The following TUBGCP5 variants were observed in gnomAD, a reference collection of about 807,000 sequenced individuals.
TUBGCP5 encodes tubulin gamma complex component 5, also known as gamma-tubulin complex component 5.
TUBGCP5 carries 98 observed loss-of-function variants against 134.7 expected under a neutral mutation model. That is an observed-to-expected ratio of 0.73 (90% CI 0.62 to 0.86). The LOEUF (loss-of-function observed/expected upper bound fraction) is 0.86. Ranked by LOEUF, TUBGCP5 falls within the 40% of genes least tolerant of loss-of-function variation. The pLI, the probability that TUBGCP5 is intolerant of heterozygous loss-of-function variation, is 0.00. For missense variants in TUBGCP5, 1,150 were observed against 1,244.8 expected (o/e 0.92, Z 1.15); for synonymous variants, 456 against 431.4 (o/e 1.06, Z -0.71).
intron 23 of TUBGCP5, among the ~76,000 whole-genome samples, chr15:22,989,000 A>T (rs1465582175): frequency 2.0e-5 from 3 of 151,988 alleles, no homozygotes; most frequent in Non-Finnish European, 2.9e-5. Flanking sequence ...CTGTCCTCAA[A>T]GCCCTCAGCT....
At position 22,999,835 on chromosome 15, in the gene TUBGCP5, G is replaced by A; in HGVS notation, c.3060C>T (p.Gly1020=). The A allele has an allele frequency of 6.2e-7, 1 of 1,613,870 alleles. No individual in the cohort carries two copies. Residue 1020 remains glycine (G), a synonymous_variant, in exon 23 of 23, where the codon GGC becomes GGT. Coordinates refer to ENST00000615383, the MANE Select transcript of TUBGCP5 (RefSeq NM_052903.6). Reference sequence around the variant, plus strand: ...CTGAAGACATTTAACTTTGTTCCATGCCAGCCATGAGTGACAACGCTAGAG... The same window carrying A: ...CTGAAGACATTTAACTTTGTTCCATACCAGCCATGAGTGACAACGCTAGAG... ...LESLALSLMA[G]MEQS
intron 23 of TUBGCP5, among the ~76,000 whole-genome samples, chr15:22,988,572 A>G (rs947824634): frequency 6.7e-6 from 1 of 149,872 alleles, no homozygotes; most frequent in Non-Finnish European, 1.5e-5. Context: ...TCTCTACTAG[A>G]AAATACAAAA....
chr15:23,005,394 A>G, intron 19 of TUBGCP5, 38 bp downstream of exon 19: 1 of 1,605,178 alleles, frequency 6.2e-7, no homozygotes, highest in Non-Finnish European at 8.5e-7. Flanking sequence ...CTGTATAGAT[A>G]CGACGATAGA....
chr15:23,020,620 A>G (rs543655670), intron 11 of TUBGCP5, among the ~76,000 whole-genome samples: 9 of 151,490 alleles, frequency 5.9e-5, no homozygotes, highest in Admixed American at 5.9e-4. Context: ...AAAAAGAAAT[A>G]TGGTATTAAA....
At chr15:22,993,275 T>A (rs927276297) in intron 23 of TUBGCP5, among the ~76,000 whole-genome samples, 30 of 151,982 alleles carry the variant, frequency 2.0e-4, no homozygotes, top group African/African-American at 6.8e-4. Flanking sequence ...AACTTTTGTA[T>A]TTTTAGTAGA....
chr15:23,031,288 A>AC lies in TUBGCP5; in HGVS notation c.487-269_487-268insG, dbSNP rs2066294926. ...AAAAGTCCCAAGATCACAGGTCCTT[A>AC]AGGGATACTTGTACTCACCCCTTTT... On this transcript the variant is annotated intron_variant, in intron 5 of 22. Coordinates refer to ENST00000615383, the MANE Select transcript of TUBGCP5 (RefSeq NM_052903.6). 1.3e-5 allele frequency among the ~76,000 whole-genome samples: 2 copies of AC among 152,112 alleles called. 1 individual carries two copies. The highest frequency in any genetic ancestry group is 2.9e-5 in the Non-Finnish European group (2 of 68,020).
intron 23 of TUBGCP5, among the ~76,000 whole-genome samples, chr15:22,987,199 T>G (rs1292367209): frequency 6.6e-6 from 1 of 151,966 alleles, no homozygotes; most frequent in Non-Finnish European, 1.5e-5. Flanking sequence ...CCGGGCGTGG[T>G]GGAACATGCC....
chr15:22,988,586 A>T (rs1247914465), intron 23 of TUBGCP5, among the ~76,000 whole-genome samples: 1 of 151,376 alleles, frequency 6.6e-6, no homozygotes, highest in Non-Finnish European at 1.5e-5. Flanking sequence ...TACAAAAAAA[A>T]TTAGCCGGGC....
rs199797412 is a variant in TUBGCP5, at chr15:22,999,776, A to C, written c.*44T>G. 21 of 1,589,656 alleles carry C rather than the reference A, an allele frequency of 1.3e-5. No individual in the cohort carries two copies. Among genetic ancestry groups the C allele is most frequent in the Non-Finnish European group, 1.7e-5 (20 of 1,158,060 alleles). ...TCAGCTGCACATGGTGGAAATGTAC[A>C]TGTATGATGACAAAGTCGGAGATAT... On this transcript the variant is annotated 3_prime_UTR_variant, in exon 23 of 23. Coordinates refer to ENST00000615383, the MANE Select transcript of TUBGCP5 (RefSeq NM_052903.6).
intron 13 of TUBGCP5, among the ~76,000 whole-genome samples, chr15:23,012,993 T>G (rs1325345393): frequency 6.6e-6 from 1 of 151,936 alleles, no homozygotes. Context: ...TCCCAGCTAC[T>G]TGGGAAGCTG....
In TUBGCP5 at chr15:23,033,289, T is replaced by TC. The variant is rs539214203; in HGVS notation, c.310-466dup. 2.1e-3 allele frequency among the ~76,000 whole-genome samples: 312 copies of TC among 151,726 alleles called. 1 individual carries two copies. Among genetic ancestry groups the TC allele is most frequent in the African/African-American group, 5.0e-3 (205 of 41,210 alleles). ...AACTTATGTTGTTTCATATTTTTTT[T>TC]CCCCCCGAGATGGATTTTCGCTCTG... On this transcript the variant is annotated intron_variant, in intron 3 of 22. Transcript: ENST00000615383.
chr15:23,029,695 C>A lies in TUBGCP5; in HGVS notation c.622+1190G>T, dbSNP rs958632836. ...GGTCAGGAATTTGAGACCAGCCTGG[C>A]CAACATGGTGAAACCCTGTCTCTAC... On this transcript the variant is annotated intron_variant, in intron 6 of 22. Transcript: ENST00000615383. Among the ~76,000 whole-genome samples, 3 of 151,940 alleles carry A rather than the reference C, an allele frequency of 2.0e-5. No homozygotes were observed. In the East Asian group the frequency reaches 5.8e-4, roughly 30 times the overall value.
chr15:23,026,333 G>C lies in TUBGCP5; in HGVS notation c.738-128C>G, dbSNP rs536783975. ...AACTAACAAGTATACATAATAAATG[G>C]CTTAAATGCCCCCTATATTTTCATG... On this transcript the variant is annotated intron_variant, in intron 7 of 22. Transcript: ENST00000615383. 50 of 712,832 alleles carry C rather than the reference G, an allele frequency of 7.0e-5. 1 individual carries two copies. The East Asian group carries it at 1.1e-3, about 16-fold the overall frequency. 44.2% of individuals were successfully genotyped at this position (712,832 alleles called of 1,614,324 possible). A position where few individuals can be genotyped will look rare whatever the true frequency, so the allele number is the denominator to read the frequency against.
chr15:23,024,839 A>G lies in TUBGCP5; in HGVS notation c.828-9T>C. The stretch of plus-strand genomic sequence containing the variant: ...TCACTCCTGAAAGTAACCTGAAATG[A>G]GATTAAAAAAAGACGAGTGTACTTT... On this transcript the variant is annotated splice_polypyrimidine_tract_variant and intron_variant, in intron 8 of 22. Transcript: ENST00000615383. 1 of 1,487,996 alleles carries G rather than the reference A, an allele frequency of 6.7e-7. No individual in the cohort carries two copies. 92.2% of individuals were successfully genotyped at this position (1,487,996 alleles called of 1,614,324 possible).
Position 23,003,138 on chromosome 15 carries a change from C to T in TUBGCP5, c.2854G>A (p.Glu952Lys). 1 of 1,614,186 alleles carries T rather than the reference C, an allele frequency of 6.2e-7. No homozygotes were observed. ...AAGTTCAACACCTTCATGATAGCTT[C>T]TTTCACAAAGCTGACCTGCAGACCA... ...LLREKVSFVKEAIMKVLNLAL... is the reference protein window; with the variant it reads ...LLREKVSFVKKAIMKVLNLAL... Residue 952 changes from glutamate (E) to lysine (K), a missense_variant, in exon 21 of 23, where the codon GAA (glutamate) becomes AAA (lysine). Coordinates refer to ENST00000615383, the MANE Select transcript of TUBGCP5 (RefSeq NM_052903.6).
At chr15:23,008,459 A>AT (rs1363847378) in intron 16 of TUBGCP5, 1 of 501,226 alleles carries the variant, frequency 2.0e-6, no homozygotes, top group East Asian at 4.3e-5. Context: ...GAGTTTCACC[A>AT]TGTTGGCCAG....
In TUBGCP5 at chr15:23,036,101, C is replaced by T. The variant is rs113891241; in HGVS notation, c.309+796G>A. On this transcript the variant is annotated intron_variant, in intron 3 of 22. Coordinates refer to ENST00000615383, the MANE Select transcript of TUBGCP5 (RefSeq NM_052903.6). ...CTAGGGAATGTGGTCCCACCGTGTT[C>T]AGGGAACCCACAGCTGTTTCCATAC... 4.1e-3 allele frequency among the ~76,000 whole-genome samples: 618 copies of T among 152,254 alleles called. 5 individuals are homozygous for T. The highest frequency in any genetic ancestry group is 0.014 in the African/African-American group (601 of 41,544).
intron 8 of TUBGCP5, 54 bp from the exon 9 acceptor site, chr15:23,024,884 T>C: frequency 9.1e-7 from 1 of 1,097,108 alleles, no homozygotes; most frequent in African/African-American, 1.6e-5. Context: ...AAAATATTCA[T>C]GACAGTATGC....
In TUBGCP5 at chr15:23,003,083, G is replaced by T; in HGVS notation, c.2909C>A (p.Ala970Glu). 1 of 1,614,136 alleles carries T rather than the reference G, an allele frequency of 6.2e-7. No homozygotes were observed. The highest frequency in any genetic ancestry group is 1.3e-5 in the African/African-American group (1 of 75,052). The change falls in exon 21 of 23, where the codon GCA (alanine) becomes GAA (glutamate). Residue 970 changes from alanine to glutamate, a missense_variant. Coordinates refer to ENST00000615383, the MANE Select transcript of TUBGCP5 (RefSeq NM_052903.6). ...LALMFADGWQAGLGTWRMESI... is the reference protein window; with the variant it reads ...LALMFADGWQEGLGTWRMESI... Reference sequence around the variant, plus strand: ...TACTTACCGCCAAGTGCCCAGGCCTGCCTGCCAACCGTCTGCAAACATGAG... The same window carrying T: ...TACTTACCGCCAAGTGCCCAGGCCTTCCTGCCAACCGTCTGCAAACATGAG...
Sources: allele counts gnomAD v4.1 joint callset (sites outside exome capture counted in the v4.1 genomes callset), GRCh38; gene constraint gnomAD v4.1.1; transcripts MANE v1.5; gene names NCBI Gene and HGNC (gene_info 2026-07-23, HGNC 2026-07-21).